PPARG: variants seen among roughly 807,000 people sequenced by gnomAD.
The protein encoded by PPARG is peroxisome proliferator activated receptor gamma, also known as peroxisome proliferator-activated receptor gamma.
In PPARG, 17 loss-of-function variants were observed where a neutral mutation model predicts 39.2. That is an observed-to-expected ratio of 0.43 (90% CI 0.30 to 0.65). The LOEUF (loss-of-function observed/expected upper bound fraction) is 0.65. Ranked by LOEUF, PPARG falls within the 30% of genes least tolerant of loss-of-function variation. The pLI, the probability that PPARG is intolerant of heterozygous loss-of-function variation, is 0.13. For synonymous variants in PPARG, 223 were observed against 215.7 expected (o/e 1.03, Z -0.30); for missense variants, 406 against 585.9 (o/e 0.69, Z 3.17).
intron 2 of PPARG, among the ~76,000 whole-genome samples, chr3:12,376,188 A>T (rs1011599849): frequency 6.6e-6 from 1 of 152,034 alleles, no homozygotes; most frequent in Non-Finnish European, 1.5e-5. Flanking sequence ...ACCTCAGGTG[A>T]TCCACCCTCT....
chr3:12,344,594 A>C (rs2125077516), intron 2 of PPARG, among the ~76,000 whole-genome samples: 1 of 152,348 alleles, frequency 6.6e-6, no homozygotes, highest in Middle Eastern at 3.4e-3. Context: ...ACTTCCGCTA[A>C]GTGAACTTTA....
At chr3:12,289,984 A>T (rs1297522816) in intron 1 of PPARG, among the ~76,000 whole-genome samples, 2 of 152,172 alleles carry the variant, frequency 1.3e-5, no homozygotes, top group African/African-American at 4.8e-5. Context: ...GTAATGTCTC[A>T]GCCAAAAAGT....
chr3:12,291,874 A>G (rs2046657819), intron 1 of PPARG, among the ~76,000 whole-genome samples: 1 of 152,198 alleles, frequency 6.6e-6, no homozygotes. Flanking sequence ...GTCATCTTTG[A>G]AACGGAGAAA....
intron 2 of PPARG, among the ~76,000 whole-genome samples, chr3:12,366,408 A>G (rs1431178886): frequency 6.6e-6 from 1 of 150,444 alleles, no homozygotes; most frequent in African/African-American, 2.4e-5. Flanking sequence ...TTTTATTTTT[A>G]CCTTCCCAAT....
At chr3:12,354,241 C>A (rs2048582525) in intron 2 of PPARG, among the ~76,000 whole-genome samples, 1 of 152,110 alleles carries the variant, frequency 6.6e-6, no homozygotes. Flanking sequence ...AGGACCAGTC[C>A]TTTGTTGGCC....
intron 4 of PPARG, among the ~76,000 whole-genome samples, chr3:12,385,302 G>A (rs2049831669): frequency 6.6e-6 from 1 of 152,074 alleles, no homozygotes; most frequent in Non-Finnish European, 1.5e-5. Flanking sequence ...AACAACTTTT[G>A]GTAGATCTTC....
Position 12,324,045 on chromosome 3 carries a change from A to G in PPARG, c.-9+11592A>G, listed in dbSNP as rs1185582119. 8.1e-4 allele frequency among the ~76,000 whole-genome samples: 123 copies of G among 152,084 alleles called. 1 individual carries two copies. Among genetic ancestry groups the G allele is most frequent in the African/African-American group, 2.9e-3 (121 of 41,386 alleles). On this transcript the variant is annotated intron_variant, in intron 2 of 7. Coordinates refer to ENST00000651735, the MANE Select transcript of PPARG (RefSeq NM_138711.6). ...AGTAATCCCAGCACTTTGAGAGGCT[A>G]AAGCGTGTGAATCACCTGAAGTCAG...
At chr3:12,365,310 C>T (rs1196634099) in intron 2 of PPARG, among the ~76,000 whole-genome samples, 1 of 152,206 alleles carries the variant, frequency 6.6e-6, no homozygotes, top group Admixed American at 6.5e-5. Flanking sequence ...TGTACAGATA[C>T]ATTCTCCCCA....
rs534899910 is a variant in PPARG, at chr3:12,297,906, C to T, written c.-83+8772C>T. On this transcript the variant is annotated intron_variant, in intron 1 of 7. Transcript: ENST00000651735. ...TTCCTGCTGCTGACAGAATGTTGCA[C>T]TTATAAATAGCAGCTGATGCAGATG... is the stretch of plus-strand genomic sequence containing the variant. The T allele has an allele frequency of 2.0e-5, 3 of 152,132 alleles. No homozygotes were observed. The South Asian group carries it at 6.2e-4, about 32-fold the overall frequency. The allele number at this position is 152,132 out of a possible 1,614,324, so 9.4% of individuals were successfully genotyped here. A position where few individuals can be genotyped will look rare whatever the true frequency, so the allele number is the denominator to read the frequency against.
intron 4 of PPARG, among the ~76,000 whole-genome samples, chr3:12,390,636 C>CTTTTTTTTTTTTTT (rs1382187854): frequency 1.6e-4 from 11 of 69,178 alleles, no homozygotes; most frequent in East Asian, 7.2e-4. Context: ...GTATTTTCTT[C>CTTTTTTTTTTTTTT]CTTTTTTTTT....
intron 2 of PPARG, among the ~76,000 whole-genome samples, chr3:12,332,052 T>C (rs1347438771): frequency 6.6e-6 from 1 of 152,242 alleles, no homozygotes; most frequent in Non-Finnish European, 1.5e-5. Context: ...AGTTATATAC[T>C]AATGGTTGTC....
chr3:12,312,412 T>C lies in PPARG; in HGVS notation c.-50T>C, dbSNP rs952076113. The C allele has an allele frequency of 1.3e-5, 2 of 152,242 alleles. No individual in the cohort carries two copies. Among genetic ancestry groups the C allele is most frequent in the Non-Finnish European group, 2.9e-5 (2 of 68,038 alleles). The allele number at this position is 152,242 out of a possible 1,614,324, so 9.4% of individuals were successfully genotyped here. A position where few individuals can be genotyped will look rare whatever the true frequency, so the allele number is the denominator to read the frequency against. ...AGAAGCCAACACTAAACCACAAATA[T>C]ACAACAAGGCCATTTTCTCAAACGA... On this transcript the variant is annotated 5_prime_UTR_variant, in exon 2 of 8. Transcript: ENST00000651735.
At chr3:12,348,579 C>T (rs1442697687) in intron 2 of PPARG, among the ~76,000 whole-genome samples, 1 of 152,192 alleles carries the variant, frequency 6.6e-6, no homozygotes, top group Non-Finnish European at 1.5e-5. Context: ...CTCAAAGTCA[C>T]ATCCATACCC....
At chr3:12,296,132 A>G (rs2046776166) in intron 1 of PPARG, among the ~76,000 whole-genome samples, 2 of 151,854 alleles carry the variant, frequency 1.3e-5, no homozygotes, top group Non-Finnish European at 2.9e-5. Flanking sequence ...CACACCTGTA[A>G]TCCCAGCTAC....
intron 4 of PPARG, among the ~76,000 whole-genome samples, chr3:12,386,119 A>G (rs1482675000): frequency 3.9e-5 from 6 of 152,276 alleles, no homozygotes; most frequent in South Asian, 2.1e-4. Flanking sequence ...ACATTGTTCT[A>G]TGGACTCTAA....
chr3:12,337,262 C>T (rs1014645819), intron 2 of PPARG, among the ~76,000 whole-genome samples: 1 of 152,098 alleles, frequency 6.6e-6, no homozygotes, highest in Admixed American at 6.5e-5. Context: ...TATATACATT[C>T]ATTTCTACAC....
At chr3:12,356,087 C>T (rs571683038) in intron 2 of PPARG, among the ~76,000 whole-genome samples, 2 of 152,158 alleles carry the variant, frequency 1.3e-5, no homozygotes, top group Non-Finnish European at 2.9e-5. Context: ...TCCCTTTGGA[C>T]GCTTAAAATA....
intron 2 of PPARG, among the ~76,000 whole-genome samples, chr3:12,368,741 C>T (rs2049108409): frequency 6.6e-6 from 1 of 152,132 alleles, no homozygotes; most frequent in South Asian, 2.1e-4. Flanking sequence ...AGAGTCTTTT[C>T]CTCCTTCACT....
chr3:12,363,563 G>A (rs1356510144), intron 2 of PPARG, among the ~76,000 whole-genome samples: 1 of 152,186 alleles, frequency 6.6e-6, no homozygotes, highest in Non-Finnish European at 1.5e-5. Context: ...CAAGCTACTA[G>A]AGGACCTTCA....
Sources: gnomAD v4.1 joint callset for allele counts (sites outside exome capture counted in the v4.1 genomes callset) on GRCh38, gnomAD v4.1.1 for gene constraint, MANE v1.5 for transcripts, NCBI Gene and HGNC (gene_info 2026-07-23, HGNC 2026-07-21) for gene names.